The following PHACTR2 variants were observed in gnomAD, a reference collection of about 807,000 sequenced individuals.
The protein encoded by PHACTR2 is chromosome 6 open reading frame 56.
Under a neutral mutation model 76.0 loss-of-function variants are expected in PHACTR2, and 30 were observed. That is an observed-to-expected ratio of 0.39 (90% CI 0.30 to 0.54). The LOEUF is 0.54. PHACTR2 is among the 20% of genes least tolerant of loss of function. The pLI is 0.61. For missense variants in PHACTR2, 696 were observed against 781.1 expected (o/e 0.89, Z 1.30); for synonymous variants, 292 against 292.5 (o/e 1.00, Z 0.02).
chr6:143,539,745 C>A lies in PHACTR2; in HGVS notation c.217+2538C>A, dbSNP rs1170578266. On this transcript the variant is annotated intron_variant, in intron 1 of 11. Transcript: ENST00000367584. This position sits in a 1 kb window ranked among gnomAD's most constrained non-coding sequence, Gnocchi z 4.3. ...CCTCATCTCAGAATCTCAGGCCCCA[C>A]CCTAGGCCTGCTTAACTGAATCTGC... Among the ~76,000 whole-genome samples the A allele has an allele frequency of 6.6e-6, 1 of 152,156 alleles. No individual in the cohort carries two copies. Among genetic ancestry groups the A allele is most frequent in the African/African-American group, 2.4e-5 (1 of 41,438 alleles).
chr6:143,636,369 C>T (rs757487113), intron 1 of PHACTR2, among the ~76,000 whole-genome samples: 36 of 152,068 alleles, frequency 2.4e-4, no homozygotes, highest in Non-Finnish European at 3.8e-4. Context: ...TTTGCCAATG[C>T]GCTTCTACAC....
At position 143,791,385 on chromosome 6, in the gene PHACTR2, G is replaced by A. The variant is rs1019323135; in HGVS notation, c.1845+2475G>A. Among the ~76,000 whole-genome samples, 3 of 152,190 alleles carry A rather than the reference G, an allele frequency of 2.0e-5. No individual in the cohort carries two copies. The highest frequency in any genetic ancestry group is 4.4e-5 in the Non-Finnish European group (3 of 68,030). On this transcript the variant is annotated intron_variant, in intron 11 of 12. Transcript: ENST00000440869. The surrounding 1 kb of genome is among the most constrained non-coding windows in gnomAD (Gnocchi z 4.7). Reference sequence around the variant, plus strand: ...GTTAGAAATGACTCTGTGTGTCAGTGATTTGCAACCTTGGCTACAAATTGG... The same window carrying A: ...GTTAGAAATGACTCTGTGTGTCAGTAATTTGCAACCTTGGCTACAAATTGG...
At chr6:143,575,778 G>GTTT (rs1775499344) in intron 1 of PHACTR2, among the ~76,000 whole-genome samples, 1 of 151,902 alleles carries the variant, frequency 6.6e-6, no homozygotes, top group African/African-American at 2.4e-5. Context: ...TTATTGAACC[G>GTTT]TTTTGTTAAG....
In PHACTR2 at chr6:143,678,473, C is replaced by T. The variant is rs1015064355; in HGVS notation, c.46+264C>T. Reference sequence around the variant, plus strand: ...CTGTGGTTTTTTATCCAAATTATTTCGGAGCCAGAAACTTACGGGAAACGC... The same window carrying T: ...CTGTGGTTTTTTATCCAAATTATTTTGGAGCCAGAAACTTACGGGAAACGC... On this transcript the variant is annotated intron_variant, in intron 1 of 12. Transcript: ENST00000440869. The surrounding 1 kb of genome is among the most constrained non-coding windows in gnomAD (Gnocchi z 6.2). Among the ~76,000 whole-genome samples, 2 of 152,180 alleles carry T rather than the reference C, an allele frequency of 1.3e-5. No individual in the cohort carries two copies. Among genetic ancestry groups the T allele is most frequent in the Non-Finnish European group, 2.9e-5 (2 of 68,028 alleles).
rs1380334934 is a variant in PHACTR2 at position 143,611,212 on chromosome 6, A to G, written c.13+2890A>G. Among the ~76,000 whole-genome samples the G allele has an allele frequency of 6.6e-6, 1 of 152,158 alleles. No individual in the cohort carries two copies. The highest frequency in any genetic ancestry group is 2.4e-5 in the African/African-American group (1 of 41,424). On this transcript the variant is annotated intron_variant, in intron 1 of 11. Transcript: ENST00000305766. The surrounding 1 kb of genome is among the most constrained non-coding windows in gnomAD (Gnocchi z 4.4). ...GTTGGGTTTTCCCTACTTGATATCA[A>G]GATATTTCAGTTACCATGTGTGGGT...
rs1191503930 is a variant in PHACTR2, at chr6:143,548,350, G to C, written c.217+11143G>C. 2.0e-5 allele frequency among the ~76,000 whole-genome samples: 3 copies of C among 150,908 alleles called. No homozygotes were observed. The highest frequency in any genetic ancestry group is 4.5e-5 in the Non-Finnish European group (3 of 67,198). On this transcript the variant is annotated intron_variant, in intron 1 of 11. Coordinates refer to the PHACTR2 transcript ENST00000367584. The surrounding 1 kb of genome is among the most constrained non-coding windows in gnomAD (Gnocchi z 4.5). ...AGGGTTCTAATGTTTGGATTTTGAA[G>C]GGATATAAGCATTCAGTCCGTAACA...
At chr6:143,566,865 TA>T (rs893615446) in intron 1 of PHACTR2, among the ~76,000 whole-genome samples, 5 of 151,786 alleles carry the variant, frequency 3.3e-5, no homozygotes, top group Non-Finnish European at 7.4e-5. Flanking sequence ...ATTATCATAC[TA>T]AAAAAAATTT....
chr6:143,559,597 T>C (rs1775231704), intron 1 of PHACTR2, among the ~76,000 whole-genome samples: 1 of 150,918 alleles, frequency 6.6e-6, no homozygotes, highest in Non-Finnish European at 1.5e-5. Flanking sequence ...TCCTCTTCCC[T>C]CTCTTATTCT....
At position 143,783,195 on chromosome 6, in the gene PHACTR2, C is replaced by T. The variant is rs763987969; in HGVS notation, c.1646-24C>T. 1.6e-5 allele frequency: 24 copies of T among 1,527,054 alleles called. No individual in the cohort carries two copies. Among genetic ancestry groups the T allele is most frequent in the South Asian group, 4.5e-5 (4 of 88,276 alleles). 94.6% of individuals were successfully genotyped at this position (1,527,054 alleles called of 1,614,324 possible). ...AAATCATCTATAGTAACTGTCATCA[C>T]GACTTTCCTCCTTTAATAAACAGAA... On this transcript the variant is annotated intron_variant, in intron 9 of 12. Transcript: ENST00000440869. This position sits in a 1 kb window ranked among gnomAD's most constrained non-coding sequence, Gnocchi z 5.2.
rs1371158318 is a variant in PHACTR2 at position 143,680,786 on chromosome 6, A to G, written c.46+2577A>G. Among the ~76,000 whole-genome samples, 3 of 146,440 alleles carry G rather than the reference A, an allele frequency of 2.0e-5. No individual in the cohort carries two copies. The highest frequency in any genetic ancestry group is 4.5e-5 in the Non-Finnish European group (3 of 66,468). On this transcript the variant is annotated intron_variant, in intron 1 of 12. Transcript: ENST00000440869. This position sits in a 1 kb window ranked among gnomAD's most constrained non-coding sequence, Gnocchi z 4.5. ...TATTCAACCAGTGGGCTCTACCTTA[A>G]TGAAACACTAATCAACTTTTCTGTC...
chr6:143,699,680 T>C (rs1562274286), intron 1 of PHACTR2, among the ~76,000 whole-genome samples: 1 of 152,210 alleles, frequency 6.6e-6, no homozygotes, highest in Non-Finnish European at 1.5e-5. Context: ...TTCTCTCTTC[T>C]TGACATCCAG....
intron 2 of PHACTR2, among the ~76,000 whole-genome samples, chr6:143,721,816 T>C (rs1440863985): frequency 6.6e-6 from 1 of 152,192 alleles, no homozygotes; most frequent in Non-Finnish European, 1.5e-5. Context: ...ATGGAGTTCC[T>C]GGCCCAGTGC....
upstream of PHACTR2, among the ~76,000 whole-genome samples, chr6:143,674,918 C>T (rs1253994054): frequency 6.6e-6 from 1 of 152,232 alleles, no homozygotes; most frequent in Non-Finnish European, 1.5e-5. The surrounding 1 kb of genome is among the most constrained non-coding windows in gnomAD (Gnocchi z 4.9). Context: ...AGAACTTTCT[C>T]ACAAATGGTC....
chr6:143,707,339 C>G (rs2128460004), intron 1 of PHACTR2, among the ~76,000 whole-genome samples: 1 of 152,318 alleles, frequency 6.6e-6, no homozygotes, highest in East Asian at 1.9e-4. Context: ...TTCAAAAATG[C>G]ATTCTCATCG....
chr6:143,603,988 A>G (rs1289157037), upstream of PHACTR2, among the ~76,000 whole-genome samples: 2 of 151,588 alleles, frequency 1.3e-5, no homozygotes, highest in Non-Finnish European at 2.9e-5. Flanking sequence ...AACCCCAGCT[A>G]TCCAGGAACT....
chr6:143,537,176 C>T lies in PHACTR2; in HGVS notation c.186C>T (p.Gly62=). Reference sequence around the variant, plus strand: ...ACCTCTCGTCGTCCTCGAGCAGGGGCCGCCCGCTCCGGGTCCACATCTCCG... The same window carrying T: ...ACCTCTCGTCGTCCTCGAGCAGGGGTCGCCCGCTCCGGGTCCACATCTCCG... Residue 62 remains glycine (G), a synonymous_variant, in exon 1 of 12, where the codon GGC becomes GGT. Coordinates refer to the PHACTR2 transcript ENST00000367584. The surrounding 1 kb of genome is among the most constrained non-coding windows in gnomAD (Gnocchi z 4.4). The T allele has an allele frequency of 6.6e-6, 2 of 303,936 alleles. No individual in the cohort carries two copies. Among genetic ancestry groups the T allele is most frequent in the Non-Finnish European group, 6.4e-6 (1 of 156,464 alleles). The allele number at this position is 303,936 out of a possible 1,614,324, so 18.8% of individuals were successfully genotyped here.
At chr6:143,762,164 TAAAG>T (rs935593318) in intron 5 of PHACTR2, among the ~76,000 whole-genome samples, 4 of 152,254 alleles carry the variant, frequency 2.6e-5, no homozygotes, top group African/African-American at 9.6e-5. Context: ...ATCTTCTTCT[TAAAG>T]AACAGCCCCA....
Position 143,549,808 on chromosome 6 carries a change from C to T in PHACTR2, c.217+12601C>T, listed in dbSNP as rs973245327. ...TGCAGGCCCTCACCTGTGTTAAAGT[C>T]ATGCTTAGGAGTGGGGGTGGGGTGT... On this transcript the variant is annotated intron_variant, in intron 1 of 11. Transcript: ENST00000367584. This position sits in a 1 kb window ranked among gnomAD's most constrained non-coding sequence, Gnocchi z 4.2. Among the ~76,000 whole-genome samples, 1 of 151,764 alleles carries T rather than the reference C, an allele frequency of 6.6e-6. No homozygotes were observed. Among genetic ancestry groups the T allele is most frequent in the Admixed American group, 6.6e-5 (1 of 15,212 alleles).
At chr6:143,741,022 C>T (rs1451719001) in intron 2 of PHACTR2, among the ~76,000 whole-genome samples, 3 of 152,170 alleles carry the variant, frequency 2.0e-5, no homozygotes, top group East Asian at 1.9e-4. Flanking sequence ...CTGAGGCAGG[C>T]GGATCACTTG....
Sources: allele counts gnomAD v4.1 joint callset (sites outside exome capture counted in the v4.1 genomes callset), GRCh38; gene constraint gnomAD v4.1.1; non-coding constraint Gnocchi (gnomAD v3.1); transcripts MANE v1.5; gene names NCBI Gene and HGNC (gene_info 2026-07-23, HGNC 2026-07-21).